Variants in F11R observed in about 807,000 individuals in gnomAD.
F11R encodes F11 receptor, also known as junctional adhesion molecule A.
In F11R, 27 loss-of-function variants were observed where a neutral mutation model predicts 39.3. That is an observed-to-expected ratio of 0.69 (90% CI 0.51 to 0.95). The LOEUF (loss-of-function observed/expected upper bound fraction) is 0.95. F11R is among the 40% of genes least tolerant of loss of function. F11R has a pLI of 0.00. For synonymous variants in F11R, 131 were observed against 144.9 expected (o/e 0.90, Z 0.69); for missense variants, 335 against 372.7 (o/e 0.90, Z 0.83).
chr1:161,000,701 T>G lies in F11R; in HGVS notation c.318A>C (p.Thr106=), dbSNP rs761255023. The G allele has an allele frequency of 6.2e-7, 1 of 1,614,042 alleles. No individual in the cohort carries two copies. Among genetic ancestry groups the G allele is most frequent in the South Asian group, 1.1e-5 (1 of 91,084 alleles). ...FKSVTREDTG[T]YTCMVSEEGG... is the part of the protein sequence containing the mutation. ...CTTCCTCAGAGACCATACAAGTGTA[T>G]GTCCCAGTGTCTTCCCGTGTCACGG... is the stretch of plus-strand genomic sequence containing the variant. Residue 106 remains threonine (T), a synonymous_variant, in exon 4 of 10, where the codon ACA becomes ACC. Transcript: ENST00000368026.
intron 1 of F11R, among the ~76,000 whole-genome samples, chr1:161,009,672 G>A (rs151269594): frequency 7.0e-4 from 106 of 152,294 alleles, no homozygotes; most frequent in African/African-American, 2.5e-3. Flanking sequence ...TCTAAGTTAA[G>A]TTTCCTCCCC....
chr1:161,013,977 C>A (rs1649308692), intron 1 of F11R, among the ~76,000 whole-genome samples: 1 of 152,172 alleles, frequency 6.6e-6, no homozygotes, highest in African/African-American at 2.4e-5. Context: ...ATGACGCAGC[C>A]GGACTTTAGA....
At chr1:161,010,724 G>A (rs1345323892) in intron 1 of F11R, among the ~76,000 whole-genome samples, 5 of 151,840 alleles carry the variant, frequency 3.3e-5, no homozygotes, top group African/African-American at 1.2e-4. Flanking sequence ...AGTGGCTCAC[G>A]CCTGTAATCC....
In F11R at chr1:161,021,092, A is replaced by C; in HGVS notation, c.-19T>G. The C allele has an allele frequency of 6.2e-7, 1 of 1,610,026 alleles. No individual in the cohort carries two copies. The highest frequency in any genetic ancestry group is 8.5e-7 in the Non-Finnish European group (1 of 1,176,898). On this transcript the variant is annotated 5_prime_UTR_variant, in exon 1 of 10. Coordinates refer to ENST00000368026, the MANE Select transcript of F11R (RefSeq NM_016946.6). ...TCCCCATCGCGATCAGGCTCCCGAC[A>C]CAACAGCCGCCGAAGGACTCCTGGG...
intron 1 of F11R, among the ~76,000 whole-genome samples, chr1:161,006,147 A>AGG (rs538237497): frequency 6.7e-6 from 1 of 148,324 alleles, no homozygotes; most frequent in African/African-American, 2.5e-5. Context: ...CAAAAAAAAA[A>AGG]GGGGGGGGGC....
intron 1 of F11R, among the ~76,000 whole-genome samples, chr1:161,009,136 C>A (rs1388398075): frequency 6.6e-6 from 1 of 152,142 alleles, no homozygotes; most frequent in African/African-American, 2.4e-5. Flanking sequence ...CCCTTTTCCC[C>A]CTCTTTATCT....
chr1:161,005,427 G>T (rs945497099), intron 1 of F11R, among the ~76,000 whole-genome samples: 2 of 141,608 alleles, frequency 1.4e-5, no homozygotes, highest in African/African-American at 5.3e-5. Flanking sequence ...ACCCACCTCA[G>T]CCTCCTAAGT....
At chr1:161,003,108 C>A (rs1427115987) in intron 1 of F11R, among the ~76,000 whole-genome samples, 1 of 143,540 alleles carries the variant, frequency 7.0e-6, no homozygotes, top group Non-Finnish European at 1.5e-5. Flanking sequence ...TACCACCATG[C>A]CGGCTAATTT....
intron 5 of F11R, 60 bp downstream of exon 5, chr1:161,000,086 A>C: frequency 6.2e-7 from 1 of 1,603,670 alleles, no homozygotes; most frequent in Non-Finnish European, 8.5e-7. Flanking sequence ...TCTTCCTCCC[A>C]CCTTTTGGGG....
rs1437096384 is a variant in F11R at position 160,997,794 on chromosome 1, C to G, written c.*1077G>C. On this transcript the variant is annotated 3_prime_UTR_variant, in exon 10 of 10. Coordinates refer to ENST00000368026, the MANE Select transcript of F11R (RefSeq NM_016946.6). ...GAGCTAAGAAGCCCTCCAACACACGCCCAATTTCAGCATACAGCTAAGACT... is the reference window on the plus strand; with the variant it reads ...GAGCTAAGAAGCCCTCCAACACACGGCCAATTTCAGCATACAGCTAAGACT... 6.5e-6 allele frequency: 1 copy of G among 152,992 alleles called. No homozygotes were observed. Among genetic ancestry groups the G allele is most frequent in the Non-Finnish European group, 1.5e-5 (1 of 68,106 alleles). The allele number at this position is 152,992 out of a possible 1,614,324, so 9.5% of individuals were successfully genotyped here. A position where few individuals can be genotyped will look rare whatever the true frequency, so the allele number is the denominator to read the frequency against.
At chr1:161,003,506 GC>G (rs2101972542) in intron 1 of F11R, among the ~76,000 whole-genome samples, 1 of 152,142 alleles carries the variant, frequency 6.6e-6, no homozygotes, top group East Asian at 1.9e-4. Context: ...AAAGTGATCT[GC>G]CCGCTGCAGC....
intron 1 of F11R, among the ~76,000 whole-genome samples, chr1:161,004,537 A>C: frequency 6.8e-6 from 1 of 147,038 alleles, no homozygotes; most frequent in African/African-American, 2.5e-5. Context: ...ACAAAGTGAG[A>C]CTCCGTCTCA....
intron 1 of F11R, among the ~76,000 whole-genome samples, chr1:161,019,847 A>G (rs1557896916): frequency 6.6e-6 from 1 of 152,172 alleles, no homozygotes; most frequent in African/African-American, 2.4e-5. Flanking sequence ...CCTTATCAGT[A>G]AAATAGAAAG....
chr1:161,000,913 GC>G (rs1206547296), intron 3 of F11R, 106 bp downstream of exon 3: 4 of 1,457,088 alleles, frequency 2.7e-6, no homozygotes, highest in Non-Finnish European at 3.8e-6. Context: ...GAGGACTTCA[GC>G]CCCAGGGTGT....
chr1:160,999,153 C>A (rs1206327987), intron 8 of F11R, 62 bp from the exon 9 acceptor site: 1 of 1,608,246 alleles, frequency 6.2e-7, no homozygotes, highest in Non-Finnish European at 8.5e-7. Flanking sequence ...CCTCCCCTTG[C>A]CAACTTTAAA....
intron 2 of F11R, 50 bp downstream of exon 2, chr1:161,001,235 C>A (rs771691548): frequency 1.2e-6 from 2 of 1,603,618 alleles, no homozygotes; most frequent in Non-Finnish European, 1.7e-6. Context: ...GATCCCCAGG[C>A]GGCCGGCAAC....
intron 1 of F11R, among the ~76,000 whole-genome samples, chr1:161,012,706 T>C (rs1220787219): frequency 6.6e-6 from 1 of 151,852 alleles, no homozygotes; most frequent in Non-Finnish European, 1.5e-5. Context: ...CTCACTGGAA[T>C]CTCTGCCTTC....
At chr1:161,006,149 G>A (rs1047489575) in intron 1 of F11R, among the ~76,000 whole-genome samples, 2 of 150,440 alleles carry the variant, frequency 1.3e-5, no homozygotes, top group South Asian at 2.1e-4. Context: ...AAAAAAAAAG[G>A]GGGGGGGCAC....
intron 1 of F11R, among the ~76,000 whole-genome samples, chr1:161,004,305 A>G (rs1186702078): frequency 6.6e-6 from 1 of 151,820 alleles, no homozygotes; most frequent in East Asian, 1.9e-4. Context: ...CACACCTATA[A>G]CCCCAGCACT....
Sources: gnomAD v4.1 joint callset for allele counts (sites outside exome capture counted in the v4.1 genomes callset) on GRCh38, gnomAD v4.1.1 for gene constraint, MANE v1.5 for transcripts, NCBI Gene and HGNC (gene_info 2026-07-23, HGNC 2026-07-21) for gene names.